The following DLG2 variants were observed in gnomAD, a reference collection of about 807,000 sequenced individuals.
DLG2 encodes disks large homolog 2.
In DLG2, 45 loss-of-function variants were observed where a neutral mutation model predicts 132.5. The ratio of observed to expected loss-of-function variants is 0.34; its 90% CI spans 0.27 to 0.44. The LOEUF is 0.44. Ranked by LOEUF, DLG2 falls within the 20% of genes least tolerant of loss-of-function variation. DLG2 has a pLI of 1.00. For missense variants in DLG2, 1,045 were observed against 1,196.9 expected (o/e 0.87, Z 1.87); for synonymous variants, 424 against 419.6 (o/e 1.01, Z -0.13).
chr11:84,406,231 T>A (rs2098848576), intron 7 of DLG2, among the ~76,000 whole-genome samples: 1 of 152,084 alleles, frequency 6.6e-6, no homozygotes, highest in African/African-American at 2.4e-5. Flanking sequence ...CAAACACAGG[T>A]CTCTCTTCTC....
intron 3 of DLG2, among the ~76,000 whole-genome samples, chr11:85,528,689 T>G (rs1287451247): frequency 6.6e-6 from 1 of 152,236 alleles, no homozygotes; most frequent in East Asian, 1.9e-4. Flanking sequence ...AGTAGTTACA[T>G]GAGTATGTGA....
intron 14 of DLG2, among the ~76,000 whole-genome samples, chr11:83,939,113 C>A (rs1198183464): frequency 6.6e-6 from 1 of 152,166 alleles, no homozygotes; most frequent in African/African-American, 2.4e-5. Context: ...GGTTGAACTG[C>A]TTTTCAATTA....
intron 19 of DLG2, among the ~76,000 whole-genome samples, chr11:83,599,706 C>T (rs1355168506): frequency 1.3e-5 from 2 of 152,096 alleles, no homozygotes; most frequent in Non-Finnish European, 2.9e-5. Context: ...TTTATCAAGC[C>T]CCAACCACAG....
intron 6 of DLG2, among the ~76,000 whole-genome samples, chr11:85,031,758 A>G (rs2154145001): frequency 6.6e-6 from 1 of 152,192 alleles, no homozygotes; most frequent in African/African-American, 2.4e-5. Flanking sequence ...TCCGAGAGCT[A>G]CTTGAAGCAA....
intron 7 of DLG2, among the ~76,000 whole-genome samples, chr11:84,479,536 C>T (rs1405069248): frequency 6.6e-6 from 1 of 152,038 alleles, no homozygotes; most frequent in Non-Finnish European, 1.5e-5. Context: ...ATGTTTCCTT[C>T]CTGCAAGAAA....
chr11:85,233,140 G>A (rs886456111), intron 4 of DLG2, among the ~76,000 whole-genome samples: 1 of 151,682 alleles, frequency 6.6e-6, no homozygotes, highest in African/African-American at 2.4e-5. Context: ...TTCTGCATGG[G>A]AATTCCTTTT....
chr11:84,007,593 G>C (rs1165407692), intron 11 of DLG2, among the ~76,000 whole-genome samples: 2 of 151,422 alleles, frequency 1.3e-5, no homozygotes, highest in African/African-American at 2.4e-5. Context: ...CATCTTTAAT[G>C]ACTGCTTAAA....
intron 6 of DLG2, among the ~76,000 whole-genome samples, chr11:84,622,376 G>A (rs1161579752): frequency 6.6e-6 from 1 of 152,100 alleles, no homozygotes; most frequent in African/African-American, 2.4e-5. Flanking sequence ...CAGCAGCAGA[G>A]ATTTACTGAT....
At chr11:84,639,122 T>C (rs565678413) in intron 6 of DLG2, among the ~76,000 whole-genome samples, 3 of 152,334 alleles carry the variant, frequency 2.0e-5, no homozygotes, top group Admixed American at 2.0e-4. Flanking sequence ...TTCTCATTTA[T>C]TTAAGTTTCC....
chr11:83,515,774 G>A (rs1461967110), intron 21 of DLG2, among the ~76,000 whole-genome samples: 10 of 152,104 alleles, frequency 6.6e-5, no homozygotes, highest in African/African-American at 2.4e-4. Context: ...CCTTCATTTC[G>A]TTATGTACCT....
At chr11:83,801,368 C>A (rs1017457597) in intron 17 of DLG2, among the ~76,000 whole-genome samples, 1 of 152,106 alleles carries the variant, frequency 6.6e-6, no homozygotes, top group African/African-American at 2.4e-5. Flanking sequence ...TCAGATCATG[C>A]CTCTCCTCTG....
chr11:84,373,265 C>CAAAA (rs59038372), intron 7 of DLG2, among the ~76,000 whole-genome samples: 34,144 of 97,812 alleles, frequency 0.35, 7,203 homozygotes, highest in Non-Finnish European at 0.44. Context: ...AAAAAAAAAA[C>CAAAA]AAAACAAAAA....
chr11:85,037,877 A>C (rs2061546600), intron 6 of DLG2, among the ~76,000 whole-genome samples: 1 of 152,170 alleles, frequency 6.6e-6, no homozygotes, highest in South Asian at 2.1e-4. Flanking sequence ...ATCTTAAAAT[A>C]TCAAACAATA....
Position 85,627,305 on chromosome 11 carries a change from C to A in DLG2, c.-347G>T, listed in dbSNP as rs1022053791. The A allele has an allele frequency of 2.0e-5, 3 of 152,038 alleles. No homozygotes were observed. The highest frequency in any genetic ancestry group is 4.4e-5 in the Non-Finnish European group (3 of 68,020). 9.4% of individuals were successfully genotyped at this position (152,038 alleles called of 1,614,324 possible). On this transcript the variant is annotated 5_prime_UTR_variant, in exon 1 of 28. Coordinates refer to ENST00000376104, the MANE Select transcript of DLG2 (RefSeq NM_001142699.3). The stretch of plus-strand genomic sequence containing the variant: ...GCCCCCAGGCTTGATCCTTAATGCC[C>A]CTCTGATTCTGATCCTCCCATGTAT...
intron 6 of DLG2, 78 bp downstream of exon 6, chr11:85,111,583 G>T: frequency 1.7e-6 from 2 of 1,187,824 alleles, no homozygotes; most frequent in South Asian, 1.6e-5. Flanking sequence ...GAGCATTCTG[G>T]CTCATTCCAC....
At chr11:84,738,637 G>A (rs1388643592) in intron 6 of DLG2, among the ~76,000 whole-genome samples, 8 of 152,128 alleles carry the variant, frequency 5.3e-5, no homozygotes, top group Non-Finnish European at 1.2e-4. Flanking sequence ...TCCAAGTGTT[G>A]ATGAGGATGT....
At chr11:83,560,517 T>C (rs2096593535) in intron 19 of DLG2, among the ~76,000 whole-genome samples, 1 of 152,078 alleles carries the variant, frequency 6.6e-6, no homozygotes, top group African/African-American at 2.4e-5. Flanking sequence ...TGAGCTTGTG[T>C]TGGAGGAGTG....
intron 9 of DLG2, among the ~76,000 whole-genome samples, chr11:84,116,494 G>C (rs759174487): frequency 6.6e-6 from 1 of 152,128 alleles, no homozygotes; most frequent in Non-Finnish European, 1.5e-5. Context: ...TTACATGGTG[G>C]CAGGCACGAG....
chr11:85,462,842 A>G lies in DLG2; in HGVS notation c.40+135815T>C, dbSNP rs2092661227. On this transcript the variant is annotated intron_variant, in intron 3 of 27. Coordinates refer to ENST00000376104, the MANE Select transcript of DLG2 (RefSeq NM_001142699.3). The stretch of plus-strand genomic sequence containing the variant: ...AAAACCTAACTTACACTGTGGCTAC[A>G]TTTGGAGATAAAACCTCTAAGGAAG... Among the ~76,000 whole-genome samples the G allele has an allele frequency of 2.0e-5, 3 of 152,060 alleles. No individual in the cohort carries two copies. The South Asian group carries it at 6.2e-4, about 32-fold the overall frequency.
Sources: gnomAD v4.1 joint callset for allele counts (sites outside exome capture counted in the v4.1 genomes callset) on GRCh38, gnomAD v4.1.1 for gene constraint, MANE v1.5 for transcripts, NCBI Gene and HGNC (gene_info 2026-07-23, HGNC 2026-07-21) for gene names.